The following FANCA variants were observed in gnomAD, a reference collection of about 807,000 sequenced individuals.
FANCA encodes the protein FA complementation group A, also known as Fanconi anemia group A protein.
Under a neutral mutation model 194.3 loss-of-function variants are expected in FANCA, and 236 were observed. The ratio of observed to expected loss-of-function variants is 1.21; its 90% CI spans 1.09 to 1.35. The LOEUF (loss-of-function observed/expected upper bound fraction) is 1.35, where lower values mean the gene tolerates loss of function less well. FANCA is among the 40% of genes most tolerant of loss of function. The pLI, the probability that FANCA is intolerant of heterozygous loss-of-function variation, is 0.00. For synonymous variants in FANCA, 1,014 were observed against 715.8 expected (o/e 1.42, Z -6.65); for missense variants, 2,628 against 1,813.9 (o/e 1.45, Z -8.15).
At chr16:89,772,514 A>T (rs1173031054) in intron 22 of FANCA, among the ~76,000 whole-genome samples, 1 of 151,418 alleles carries the variant, frequency 6.6e-6, no homozygotes, top group African/African-American at 2.4e-5. Context: ...TCAAAAAAAT[A>T]TATATATATC....
chr16:89,766,508 G>A (rs552277905), intron 27 of FANCA, among the ~76,000 whole-genome samples: 16 of 151,550 alleles, frequency 1.1e-4, no homozygotes, highest in African/African-American at 2.4e-4. Context: ...TCAGGAGTTC[G>A]AAAACAGCCT....
At chr16:89,765,347 G>C (rs1405271291) in intron 27 of FANCA, among the ~76,000 whole-genome samples, 1 of 151,230 alleles carries the variant, frequency 6.6e-6, no homozygotes, top group Non-Finnish European at 1.5e-5. Context: ...GGGGACCTCA[G>C]TCCAGCCCCT....
At chr16:89,761,684 G>A (rs1412804132) in intron 29 of FANCA, among the ~76,000 whole-genome samples, 2 of 152,152 alleles carry the variant, frequency 1.3e-5, no homozygotes, top group South Asian at 4.1e-4. Flanking sequence ...AAGTGCAGTG[G>A]TGTGATCTCA....
In FANCA at chr16:89,774,449, G is replaced by A. The variant is rs956991858; in HGVS notation, c.1901-1065C>T. 3.9e-5 allele frequency among the ~76,000 whole-genome samples: 6 copies of A among 152,154 alleles called. 1 individual carries two copies. The highest frequency in any genetic ancestry group is 5.9e-5 in the Non-Finnish European group (4 of 67,974). Reference sequence around the variant, plus strand: ...AGAGGTCATGCTCTCAGGGTGGGTCGGCCGGGCATGGGGGCTCCCACCTGT... The same window carrying A: ...AGAGGTCATGCTCTCAGGGTGGGTCAGCCGGGCATGGGGGCTCCCACCTGT... On this transcript the variant is annotated intron_variant, in intron 21 of 42. Transcript: ENST00000389301.
chr16:89,762,848 A>C, intron 28 of FANCA: 1 of 404,182 alleles, frequency 2.5e-6, no homozygotes, highest in Non-Finnish European at 5.0e-6. Flanking sequence ...CATGCCTGTA[A>C]TCCCAGCACT....
At chr16:89,762,761 G>A in intron 28 of FANCA, 1 of 452,592 alleles carries the variant, frequency 2.2e-6, no homozygotes, top group East Asian at 7.1e-5. Context: ...CTCTCAGATG[G>A]CTGGGACTGC....
chr16:89,773,246 A>G, intron 22 of FANCA, 25 bp downstream of exon 22: 2 of 1,517,910 alleles, frequency 1.3e-6, no homozygotes, highest in Non-Finnish European at 8.9e-7. Context: ...CATGAGACAC[A>G]GCATGAGCTC....
chr16:89,744,235 T>C (rs919655411), intron 36 of FANCA, among the ~76,000 whole-genome samples: 1 of 152,178 alleles, frequency 6.6e-6, no homozygotes, highest in African/African-American at 2.4e-5. Context: ...AGCCAAACCC[T>C]GAGGGGACCC....
At chr16:89,766,431 G>A (rs894037750) in intron 27 of FANCA, among the ~76,000 whole-genome samples, 2 of 151,912 alleles carry the variant, frequency 1.3e-5, no homozygotes, top group African/African-American at 2.4e-5. Context: ...TGTCTGGGCC[G>A]GGCACCAGCG....
At chr16:89,739,612 G>A (rs1264796821) in intron 39 of FANCA, 59 bp from the exon 40 acceptor site, 12 of 1,534,558 alleles carry the variant, frequency 7.8e-6, no homozygotes, top group South Asian at 2.4e-5. Flanking sequence ...TATCAGTGCT[G>A]GGGACACCCC....
At chr16:89,789,302 G>A (rs1384173281) in intron 14 of FANCA, among the ~76,000 whole-genome samples, 2 of 101,772 alleles carry the variant, frequency 2.0e-5, no homozygotes, top group Non-Finnish European at 3.5e-5. Flanking sequence ...CTCCTCAGAA[G>A]GCCTGGGGGG....
At chr16:89,756,723 G>C (rs998269708) in intron 30 of FANCA, among the ~76,000 whole-genome samples, 1 of 152,216 alleles carries the variant, frequency 6.6e-6, no homozygotes, top group Admixed American at 6.5e-5. Context: ...GCAGTGAGCA[G>C]CTCTGTGCAA....
chr16:89,770,428 T>C, intron 24 of FANCA, 136 bp downstream of exon 24: 1 of 1,024,886 alleles, frequency 9.8e-7, no homozygotes, highest in Non-Finnish European at 1.5e-6. Flanking sequence ...TTCTGCTGCG[T>C]CCTATTTGAT....
intron 27 of FANCA, 64 bp downstream of exon 27, chr16:89,767,077 T>A: frequency 7.6e-7 from 1 of 1,320,068 alleles, no homozygotes; most frequent in Non-Finnish European, 1.1e-6. Context: ...GGCCTTCCGG[T>A]CCGAAAGCTG....
At position 89,810,967 on chromosome 16, in the gene FANCA, C is replaced by T. The variant is rs1335594496; in HGVS notation, c.388G>A (p.Glu130Lys). The change falls in exon 4 of 43, where the codon GAG (glutamate) becomes AAG (lysine). Residue 130 changes from glutamate to lysine, a missense_variant. Coordinates refer to ENST00000389301, the MANE Select transcript of FANCA (RefSeq NM_000135.4). ...GTCAGCAGCACAGGGTGACTGGTCT[C>T]CGCTGGAGCCGTGCAGATCTGTCCC... ...SVGQICTAPAETSHPVLLTVE... is the reference protein window; with the variant it reads ...SVGQICTAPAKTSHPVLLTVE... 1 of 1,614,006 alleles carries T rather than the reference C, an allele frequency of 6.2e-7. No homozygotes were observed. The highest frequency in any genetic ancestry group is 1.3e-5 in the African/African-American group (1 of 74,944).
chr16:89,785,414 A>T lies in FANCA; in HGVS notation c.1360-450T>A, dbSNP rs1011668647. Among the ~76,000 whole-genome samples, 10 of 152,200 alleles carry T rather than the reference A, an allele frequency of 6.6e-5. No homozygotes were observed. In the East Asian group the frequency reaches 9.6e-4, roughly 15 times the overall value. On this transcript the variant is annotated intron_variant, in intron 14 of 42. Coordinates refer to ENST00000389301, the MANE Select transcript of FANCA (RefSeq NM_000135.4). ...GTGGGATGAAGCCACTTCTGAACAC[A>T]CTTTAACTTCTAACCTCATCCACCA...
intron 36 of FANCA, chr16:89,744,542 C>G (rs1344234233): frequency 1.5e-5 from 5 of 329,750 alleles, no homozygotes; most frequent in Admixed American, 4.2e-5. Context: ...GCGGTGCACT[C>G]TAGGAGCCCA....
chr16:89,748,799 G>C, intron 32 of FANCA, 32 bp from the exon 33 acceptor site: 1 of 1,566,658 alleles, frequency 6.4e-7, no homozygotes, highest in Non-Finnish European at 8.8e-7. Flanking sequence ...GGTGGCGACA[G>C]CACAGCGTAC....
intron 10 of FANCA, chr16:89,798,761 C>G (rs950296289): frequency 2.2e-6 from 3 of 1,383,290 alleles, no homozygotes; most frequent in Non-Finnish European, 2.8e-6. Context: ...CAGCGGGAGT[C>G]TGTAGAGGCA....
Sources: gnomAD v4.1 joint callset for allele counts (sites outside exome capture counted in the v4.1 genomes callset) on GRCh38, gnomAD v4.1.1 for gene constraint, MANE v1.5 for transcripts, NCBI Gene and HGNC (gene_info 2026-07-23, HGNC 2026-07-21) for gene names.